Variants in KCNIP4 observed in about 807,000 individuals in gnomAD.
KCNIP4 encodes the protein Kv channel-interacting protein 4.
KCNIP4 carries 12 observed loss-of-function variants against 34.0 expected under a neutral mutation model. The observed-to-expected ratio is 0.35, with a 90% CI of 0.23 to 0.57. The LOEUF is 0.57. Ranked by LOEUF, KCNIP4 falls within the 20% of genes least tolerant of loss-of-function variation. The probability of loss-of-function intolerance (pLI) is 0.83; values close to 1 mark genes in which losing one functional copy is unlikely to be tolerated. For synonymous variants in KCNIP4, 124 were observed against 102.2 expected (o/e 1.21, Z -1.29); for missense variants, 238 against 311.7 (o/e 0.76, Z 1.78).
chr4:21,891,551 A>T (rs1448142150), intron 1 of KCNIP4, among the ~76,000 whole-genome samples: 1 of 152,092 alleles, frequency 6.6e-6, no homozygotes. Context: ...TTACCAGTGT[A>T]TTGTGTAGAG....
chr4:21,170,186 T>C (rs1753918109), intron 1 of KCNIP4, among the ~76,000 whole-genome samples: 1 of 152,118 alleles, frequency 6.6e-6, no homozygotes, highest in African/African-American at 2.4e-5. Context: ...ATTCACGGAG[T>C]TCTATGTGGA....
At chr4:21,456,957 G>T (rs1373153285) in intron 1 of KCNIP4, among the ~76,000 whole-genome samples, 2 of 152,018 alleles carry the variant, frequency 1.3e-5, no homozygotes, top group Non-Finnish European at 2.9e-5. Flanking sequence ...ATCTTGAGCT[G>T]TTTTCACATC....
At chr4:20,881,736 T>C (rs1156243468) in intron 2 of KCNIP4, among the ~76,000 whole-genome samples, 1 of 152,214 alleles carries the variant, frequency 6.6e-6, no homozygotes, top group African/African-American at 2.4e-5. Context: ...AGTGATTTAA[T>C]CAAACCCTAA....
intron 4 of KCNIP4, among the ~76,000 whole-genome samples, chr4:20,753,906 G>GTTCA (rs3835144): frequency 0.21 from 32,221 of 151,208 alleles, 3,764 homozygotes; most frequent in East Asian, 0.3. Flanking sequence ...GAGCTCATTT[G>GTTCA]TTCATTCATT....
chr4:21,469,802 G>A (rs909542275), intron 1 of KCNIP4, among the ~76,000 whole-genome samples: 1 of 151,722 alleles, frequency 6.6e-6, no homozygotes, highest in African/African-American at 2.4e-5. Context: ...TGATAATACC[G>A]AAATTAAAAA....
chr4:21,595,800 A>G (rs1265474138), intron 1 of KCNIP4, among the ~76,000 whole-genome samples: 2 of 152,136 alleles, frequency 1.3e-5, no homozygotes, highest in East Asian at 3.9e-4. Context: ...CCTAAATAGT[A>G]CCATCTAGTC....
rs1446299670 is a variant in KCNIP4 at position 20,728,902 on chromosome 4, T to C, written c.*1180A>G. 4 of 146,958 alleles carry C rather than the reference T, an allele frequency of 2.7e-5. No individual in the cohort carries two copies. Among genetic ancestry groups the C allele is most frequent in the Non-Finnish European group, 6.0e-5 (4 of 66,678 alleles). The allele number at this position is 146,958 out of a possible 1,614,324, so 9.1% of individuals were successfully genotyped here. A position where few individuals can be genotyped will look rare whatever the true frequency, so the allele number is the denominator to read the frequency against. ...TGTGGCTTTAGTAATGTGGCAACTT[T>C]ACAGTTTTGGCTAAGATGATTAAAA... On this transcript the variant is annotated 3_prime_UTR_variant, in exon 9 of 9. Transcript: ENST00000382152.
intron 1 of KCNIP4, among the ~76,000 whole-genome samples, chr4:20,915,624 C>G (rs369111279): frequency 6.6e-6 from 1 of 152,042 alleles, no homozygotes; most frequent in South Asian, 2.1e-4. Context: ...TTTCTTCAAT[C>G]AAGGGTTTGA....
At chr4:20,897,763 G>T (rs1013674420) in intron 1 of KCNIP4, among the ~76,000 whole-genome samples, 8 of 152,124 alleles carry the variant, frequency 5.3e-5, no homozygotes, top group Non-Finnish European at 1.5e-5. Context: ...AAGGAAAGAC[G>T]CCTGCTGGCA....
intron 1 of KCNIP4, among the ~76,000 whole-genome samples, chr4:21,365,481 A>G (rs1478085414): frequency 1.3e-5 from 1 of 77,658 alleles, no homozygotes; most frequent in Non-Finnish European, 2.5e-5. Flanking sequence ...GTCTCAAAAA[A>G]TAAATAAATA....
chr4:21,311,544 C>G (rs1186319893), intron 1 of KCNIP4, among the ~76,000 whole-genome samples: 1 of 151,994 alleles, frequency 6.6e-6, no homozygotes, highest in Non-Finnish European at 1.5e-5. Context: ...CAAAAATTAA[C>G]TGGGTGTGAT....
rs10560597 is a variant in KCNIP4, at chr4:21,790,969, CAAAAAAA to C, written c.61+157595_61+157601del. Among the ~76,000 whole-genome samples the C allele has an allele frequency of 4.6e-4, 41 of 89,666 alleles. No homozygotes were observed. The Middle Eastern group carries it at 0.029, about 64-fold the overall frequency. 58.8% of individuals were successfully genotyped at this position (89,666 alleles called of 152,430 possible). On this transcript the variant is annotated intron_variant, in intron 1 of 8. Coordinates refer to ENST00000382152, the MANE Select transcript of KCNIP4 (RefSeq NM_025221.6). Reference sequence around the variant, plus strand: ...CTCCTTTATTTGCCTGCGCACTCCACAAAAAAAAAAAAAAAAAAAAAAAAAAGTTATA... The same window carrying C: ...CTCCTTTATTTGCCTGCGCACTCCACAAAAAAAAAAAAAAAAAAAGTTATA...
Position 20,729,771 on chromosome 4 carries a change from T to C in KCNIP4, c.*311A>G, listed in dbSNP as rs780578058. 3.2e-5 allele frequency: 8 copies of C among 250,478 alleles called. No individual in the cohort carries two copies. 15.5% of individuals were successfully genotyped at this position (250,478 alleles called of 1,614,324 possible). A position where few individuals can be genotyped will look rare whatever the true frequency, so the allele number is the denominator to read the frequency against. On this transcript the variant is annotated 3_prime_UTR_variant, in exon 9 of 9. Transcript: ENST00000382152. ...CACTGATATTTTAAAATCACTGATATGTGAAAGCCTCAATAATCCCATGGC... is the reference window on the plus strand; with the variant it reads ...CACTGATATTTTAAAATCACTGATACGTGAAAGCCTCAATAATCCCATGGC...
intron 1 of KCNIP4, among the ~76,000 whole-genome samples, chr4:21,013,410 C>A (rs1032987899): frequency 1.3e-5 from 2 of 152,072 alleles, no homozygotes; most frequent in Non-Finnish European, 2.9e-5. Flanking sequence ...GAAGTCATTA[C>A]AGGCAGGGTT....
intron 1 of KCNIP4, among the ~76,000 whole-genome samples, chr4:21,672,017 G>A (rs1293375591): frequency 6.6e-6 from 1 of 152,140 alleles, no homozygotes; most frequent in African/African-American, 2.4e-5. Flanking sequence ...CTTAGAGCCT[G>A]ATTGATGCTT....
At chr4:20,749,831 C>T (rs1001024376) in intron 4 of KCNIP4, 99 bp from the exon 5 acceptor site, 2 of 680,908 alleles carry the variant, frequency 2.9e-6, no homozygotes, top group African/African-American at 3.6e-5. Context: ...GAAGAATTAA[C>T]TCTGCCTCCT....
In KCNIP4 at chr4:20,751,427, T is replaced by G. The variant is rs1036967565; in HGVS notation, c.359-1695A>C. 5.3e-5 allele frequency among the ~76,000 whole-genome samples: 8 copies of G among 152,200 alleles called. No homozygotes were observed. The South Asian group carries it at 1.7e-3, about 31-fold the overall frequency. ...CAAGAATTGGCAGCCTATTTCAACT[T>G]GCAAAGTTGTTTTACTCTCAGCAGT... On this transcript the variant is annotated intron_variant, in intron 4 of 8. Coordinates refer to ENST00000382152, the MANE Select transcript of KCNIP4 (RefSeq NM_025221.6).
At chr4:21,191,902 T>G (rs1426810479) in intron 1 of KCNIP4, among the ~76,000 whole-genome samples, 1 of 152,204 alleles carries the variant, frequency 6.6e-6, no homozygotes, top group African/African-American at 2.4e-5. Flanking sequence ...GTATTTTGAT[T>G]ATTTTTCTTA....
Position 20,749,715 on chromosome 4 carries a change from G to A in KCNIP4, c.376C>T (p.His126Tyr). The A allele has an allele frequency of 1.9e-6, 3 of 1,608,470 alleles. No homozygotes were observed. The highest frequency in any genetic ancestry group is 2.6e-6 in the Non-Finnish European group (3 of 1,175,988). The stretch of plus-strand genomic sequence containing the variant: ...GTATCAAATGCATTGAACAGAAAAT[G>A]TGCATATGTTGTAGAGTCTGAAATG... The part of the protein sequence containing the change: ...FPQGDSTTYA[H>Y]FLFNAFDTDH... Residue 126 changes from histidine to tyrosine, a missense_variant, in exon 5 of 9, where the codon CAT becomes TAT. Transcript: ENST00000382152.
Sources: allele counts gnomAD v4.1 joint callset (sites outside exome capture counted in the v4.1 genomes callset), GRCh38; gene constraint gnomAD v4.1.1; transcripts MANE v1.5; gene names NCBI Gene and HGNC (gene_info 2026-07-23, HGNC 2026-07-21).